Variants in TMEM117 observed in about 807,000 individuals in gnomAD.
The protein encoded by TMEM117 is transmembrane protein 117.
TMEM117 carries 27 observed loss-of-function variants against 52.4 expected under a neutral mutation model. The ratio of observed to expected loss-of-function variants is 0.51; its 90% CI spans 0.38 to 0.71. The LOEUF is 0.71. Ranked by LOEUF, TMEM117 falls within the 30% of genes least tolerant of loss-of-function variation. The pLI is 0.00. For missense variants in TMEM117, 556 were observed against 630.5 expected, an observed-to-expected ratio of 0.88 and a Z score of 1.26; for synonymous variants, 215 against 206.3, an observed-to-expected ratio of 1.04 and a Z score of -0.36.
intron 6 of TMEM117, among the ~76,000 whole-genome samples, chr12:44,346,189 T>C (rs1951484364): frequency 6.6e-6 from 1 of 152,138 alleles, no homozygotes. Context: ...ATCCACTGCT[T>C]TCCTTTAATT....
intron 5 of TMEM117, among the ~76,000 whole-genome samples, chr12:44,285,118 A>T (rs1013892975): frequency 6.6e-6 from 1 of 152,208 alleles, no homozygotes; most frequent in Admixed American, 6.5e-5. Context: ...CACTGTTCAC[A>T]TACATTACAA....
intron 4 of TMEM117, among the ~76,000 whole-genome samples, chr12:44,169,092 C>T (rs1409247114): frequency 1.3e-5 from 2 of 152,112 alleles, no homozygotes; most frequent in Non-Finnish European, 2.9e-5. Context: ...TTTGTTTATT[C>T]ATTCCTCCAT....
At chr12:44,044,270 A>G (rs1946847240) in intron 3 of TMEM117, among the ~76,000 whole-genome samples, 1 of 152,170 alleles carries the variant, frequency 6.6e-6, no homozygotes, top group Non-Finnish European at 1.5e-5. Flanking sequence ...CCACAGGTGA[A>G]TCACACCAGT....
chr12:44,055,462 A>G (rs1389456897), intron 3 of TMEM117, among the ~76,000 whole-genome samples: 1 of 152,212 alleles, frequency 6.6e-6, no homozygotes, highest in Non-Finnish European at 1.5e-5. Flanking sequence ...TCACTGTAGC[A>G]TATTAAACAT....
At chr12:44,033,477 T>C (rs949194449) in intron 3 of TMEM117, among the ~76,000 whole-genome samples, 3 of 152,200 alleles carry the variant, frequency 2.0e-5, no homozygotes, top group African/African-American at 7.2e-5. Flanking sequence ...TTTATAATAA[T>C]GTGCCAGTTT....
At chr12:43,910,318 T>G (rs1490921219) in intron 2 of TMEM117, among the ~76,000 whole-genome samples, 4 of 146,532 alleles carry the variant, frequency 2.7e-5, no homozygotes, top group Admixed American at 6.9e-5. Context: ...AAACTCTCAA[T>G]AAATTAGGTA....
At chr12:44,374,691 G>T (rs1185625020) in intron 6 of TMEM117, among the ~76,000 whole-genome samples, 1 of 150,548 alleles carries the variant, frequency 6.6e-6, no homozygotes, top group African/African-American at 2.4e-5. Context: ...TAGTCTACAA[G>T]AAATCTCTAG....
chr12:43,962,953 G>T (rs1945427654), intron 3 of TMEM117, among the ~76,000 whole-genome samples: 1 of 151,558 alleles, frequency 6.6e-6, no homozygotes, highest in African/African-American at 2.4e-5. Context: ...AAAAAATTAG[G>T]AGGATAGTTC....
At chr12:43,925,674 C>G (rs1017655711) in intron 2 of TMEM117, among the ~76,000 whole-genome samples, 2 of 152,128 alleles carry the variant, frequency 1.3e-5, no homozygotes, top group Non-Finnish European at 2.9e-5. Context: ...ATTTAAAAAC[C>G]TGTGCTTATT....
chr12:44,061,633 A>G (rs1342760196), intron 3 of TMEM117, among the ~76,000 whole-genome samples: 1 of 152,160 alleles, frequency 6.6e-6, no homozygotes, highest in Admixed American at 6.5e-5. Flanking sequence ...TGTACTTGGT[A>G]TGATTACATT....
Position 43,909,596 on chromosome 12 carries a change from G to A in TMEM117, c.278-34614G>A, listed in dbSNP as rs1001520927. Among the ~76,000 whole-genome samples, 47 of 150,860 alleles carry A rather than the reference G, an allele frequency of 3.1e-4. No individual in the cohort carries two copies. In the South Asian group the frequency reaches 4.2e-3, roughly 14 times the overall value. ...AAAGGATCAACAAAATTGATAGACC[G>A]CTAGCAAGACTAATAAAGAAAAAAA... On this transcript the variant is annotated intron_variant, in intron 2 of 7. Coordinates refer to ENST00000266534, the MANE Select transcript of TMEM117 (RefSeq NM_032256.3).
chr12:44,275,928 A>G (rs1950506459), intron 5 of TMEM117, among the ~76,000 whole-genome samples: 1 of 152,192 alleles, frequency 6.6e-6, no homozygotes, highest in Non-Finnish European at 1.5e-5. Context: ...TGTATATTTA[A>G]AAATAACTAA....
chr12:44,023,142 G>A (rs1248863089), intron 3 of TMEM117, among the ~76,000 whole-genome samples: 1 of 152,174 alleles, frequency 6.6e-6, no homozygotes, highest in Non-Finnish European at 1.5e-5. Context: ...TGTCCCTACA[G>A]AAGACATGAA....
At chr12:43,996,516 G>A (rs1477381581) in intron 3 of TMEM117, among the ~76,000 whole-genome samples, 35 of 152,046 alleles carry the variant, frequency 2.3e-4, no homozygotes, top group African/African-American at 7.0e-4. Context: ...GGTGGCGGGC[G>A]CCTGTAGTCC....
intron 4 of TMEM117, among the ~76,000 whole-genome samples, chr12:44,208,178 A>C (rs889141312): frequency 6.6e-6 from 1 of 152,142 alleles, no homozygotes; most frequent in African/African-American, 2.4e-5. Flanking sequence ...ACTGACTTTT[A>C]AACCTCAAAA....
intron 2 of TMEM117, among the ~76,000 whole-genome samples, chr12:43,901,564 G>C (rs549852564): frequency 2.3e-4 from 35 of 152,250 alleles, no homozygotes; most frequent in Admixed American, 6.5e-4. Context: ...CACCATCTCA[G>C]CCTCCCAAAT....
At chr12:44,118,073 G>A (rs1281159530) in intron 3 of TMEM117, among the ~76,000 whole-genome samples, 1 of 151,562 alleles carries the variant, frequency 6.6e-6, no homozygotes, top group Non-Finnish European at 1.5e-5. Flanking sequence ...ATATTGGAAG[G>A]AAATTGGGGC....
At chr12:44,242,260 G>C (rs1950072133) in intron 5 of TMEM117, among the ~76,000 whole-genome samples, 1 of 151,588 alleles carries the variant, frequency 6.6e-6, no homozygotes, top group Non-Finnish European at 1.5e-5. Flanking sequence ...GTACCCAATA[G>C]TTATTTTTTT....
At chr12:44,328,066 A>G (rs549713710) in intron 6 of TMEM117, among the ~76,000 whole-genome samples, 1 of 152,316 alleles carries the variant, frequency 6.6e-6, no homozygotes, top group South Asian at 2.1e-4. Flanking sequence ...TTGTCAACCA[A>G]ATGTGGCTTG....
Sources: gnomAD v4.1 joint callset for allele counts (sites outside exome capture counted in the v4.1 genomes callset) on GRCh38, gnomAD v4.1.1 for gene constraint, MANE v1.5 for transcripts, NCBI Gene and HGNC (gene_info 2026-07-23, HGNC 2026-07-21) for gene names.